Variants in PXK observed in about 807,000 individuals in gnomAD.
The protein encoded by PXK is PX domain-containing protein kinase-like protein.
A neutral mutation model predicts 84.7 loss-of-function variants in PXK; 35 were observed. The ratio of observed to expected loss-of-function variants is 0.41; its 90% CI spans 0.32 to 0.55. PXK has a LOEUF of 0.55. Ranked by LOEUF, PXK falls within the 20% of genes least tolerant of loss-of-function variation. PXK has a pLI of 0.21. For missense variants in PXK, 634 were observed against 699.7 expected, an observed-to-expected ratio of 0.91 and a Z score of 1.06; for synonymous variants, 253 against 260.8, an observed-to-expected ratio of 0.97 and a Z score of 0.29.
Position 58,400,919 on chromosome 3 carries a change from A to T in PXK, c.1181+1542A>T, listed in dbSNP as rs1220881868. 1.3e-5 allele frequency among the ~76,000 whole-genome samples: 2 copies of T among 152,192 alleles called. No individual in the cohort carries two copies. Among genetic ancestry groups the T allele is most frequent in the Non-Finnish European group, 2.9e-5 (2 of 68,026 alleles). Reference sequence around the variant, plus strand: ...TGACAGAGCAAGACTCCGTCTCAAAACAAAACAAACAATGTGAATATGGAA... The same window carrying T: ...TGACAGAGCAAGACTCCGTCTCAAATCAAAACAAACAATGTGAATATGGAA... On this transcript the variant is annotated intron_variant, in intron 12 of 17. Transcript: ENST00000356151. This position sits in a 1 kb window ranked among gnomAD's most constrained non-coding sequence, Gnocchi z 4.0.
Position 58,345,584 on chromosome 3 carries a change from C to T in PXK, c.102+12494C>T, listed in dbSNP as rs373999215. ...ATTGCTTGAGCCTACATTTAGTCAG[C>T]GGTTTATTATGGATGTAAATGAAAT... On this transcript the variant is annotated intron_variant, in intron 1 of 17. Coordinates refer to ENST00000356151, the MANE Select transcript of PXK (RefSeq NM_017771.5). Among the ~76,000 whole-genome samples the T allele has an allele frequency of 1.8e-4, 27 of 152,080 alleles. 1 individual carries two copies. The highest frequency in any genetic ancestry group is 1.6e-3 in the Admixed American group (24 of 15,262).
Position 58,364,878 on chromosome 3 carries a change from G to A in PXK, c.103-996G>A, listed in dbSNP as rs2098247498. Among the ~76,000 whole-genome samples the A allele has an allele frequency of 1.3e-5, 2 of 152,094 alleles. No individual in the cohort carries two copies. The highest frequency in any genetic ancestry group is 2.9e-5 in the Non-Finnish European group (2 of 68,018). On this transcript the variant is annotated intron_variant, in intron 1 of 17. Transcript: ENST00000356151. The surrounding 1 kb of genome is among the most constrained non-coding windows in gnomAD (Gnocchi z 4.3). ...CCATTTGATATCTGCACAGTCTGTA[G>A]TGGTATCCTAATTCATTCTTGATAT...
chr3:58,343,774 T>G (rs535224595), intron 1 of PXK, among the ~76,000 whole-genome samples: 1 of 152,312 alleles, frequency 6.6e-6, no homozygotes, highest in Non-Finnish European at 1.5e-5. Flanking sequence ...AGCAAACATT[T>G]GCTGAATAAG....
intron 1 of PXK, among the ~76,000 whole-genome samples, chr3:58,355,277 C>G (rs1223720293): frequency 1.3e-5 from 2 of 152,152 alleles, no homozygotes; most frequent in African/African-American, 4.8e-5. Flanking sequence ...TTGAGATGCT[C>G]TGCCTTAGGG....
intron 7 of PXK, among the ~76,000 whole-genome samples, chr3:58,393,464 A>G (rs2098651308): frequency 6.6e-6 from 1 of 152,200 alleles, no homozygotes; most frequent in South Asian, 2.1e-4. Context: ...AGTAAATTAT[A>G]TATGTAGTGC....
At position 58,421,720 on chromosome 3, in the gene PXK, T is replaced by C; in HGVS notation, c.1529-3032T>C. 1 of 985,474 alleles carries C rather than the reference T, an allele frequency of 1.0e-6. No homozygotes were observed. Among genetic ancestry groups the C allele is most frequent in the Middle Eastern group, 5.2e-4 (1 of 1,914 alleles). 61.0% of individuals were successfully genotyped at this position (985,474 alleles called of 1,614,324 possible). On this transcript the variant is annotated intron_variant, in intron 17 of 17. Coordinates refer to ENST00000356151, the MANE Select transcript of PXK (RefSeq NM_017771.5). This position sits in a 1 kb window ranked among gnomAD's most constrained non-coding sequence, Gnocchi z 5.5. ...CTCTGCCCTCTGACAGGGCCTCTGC[T>C]GGACTGCCAGGTTCCCGTGTGGTTT...
intron 1 of PXK, among the ~76,000 whole-genome samples, chr3:58,334,949 G>GTGTGTGTC (rs1553732653): frequency 3.4e-4 from 45 of 130,458 alleles, no homozygotes; most frequent in African/African-American, 1.4e-3. Flanking sequence ...GTGTGTGTGT[G>GTGTGTGTC]TGTGTGTGTC....
intron 7 of PXK, 115 bp from the exon 8 acceptor site, chr3:58,394,883 T>G: frequency 1.4e-6 from 1 of 701,646 alleles, no homozygotes; most frequent in Non-Finnish European, 2.5e-6. Flanking sequence ...TATCACTACA[T>G]TCGTATGCAA....
intron 7 of PXK, among the ~76,000 whole-genome samples, chr3:58,394,519 C>T (rs2057332797): frequency 6.6e-6 from 1 of 152,134 alleles, no homozygotes; most frequent in African/African-American, 2.4e-5. Context: ...TGCTTCTTGG[C>T]TTGGCACCCA....
chr3:58,342,462 C>A (rs2097753655), intron 1 of PXK, among the ~76,000 whole-genome samples: 1 of 151,886 alleles, frequency 6.6e-6, no homozygotes, highest in South Asian at 2.1e-4. Context: ...TGGTGAAACC[C>A]TGTCTCTACT....
intron 1 of PXK, among the ~76,000 whole-genome samples, chr3:58,349,458 C>T (rs139624056): frequency 0.025 from 3,709 of 150,882 alleles, 147 homozygotes; most frequent in African/African-American, 0.086. Flanking sequence ...CCGGTTCAAG[C>T]GATTCTCCTG....
At chr3:58,362,127 A>G (rs891568731) in intron 1 of PXK, among the ~76,000 whole-genome samples, 4 of 152,234 alleles carry the variant, frequency 2.6e-5, no homozygotes, top group African/African-American at 4.8e-5. Flanking sequence ...TATCCTCTTC[A>G]GTGAAATGTA....
At chr3:58,378,512 TTGTGTGTGTGTGTGTGTG>T in intron 3 of PXK, among the ~76,000 whole-genome samples, 1 of 29,102 alleles carries the variant, frequency 3.4e-5, no homozygotes, top group African/African-American at 1.3e-4. Flanking sequence ...TTTTTTTTTT[TTGTGTGTGTGTGTGTGTG>T]TGTGTGTGTG....
rs1377224655 is a variant in PXK, at chr3:58,382,420, T to A, written c.202-94T>A. 3.6e-6 allele frequency: 4 copies of A among 1,120,970 alleles called. No individual in the cohort carries two copies. The East Asian group carries it at 1.1e-4, about 31-fold the overall frequency. The allele number at this position is 1,120,970 out of a possible 1,614,324, so 69.4% of individuals were successfully genotyped here. On this transcript the variant is annotated intron_variant, in intron 3 of 17. Transcript: ENST00000356151. The stretch of plus-strand genomic sequence containing the variant: ...TAGGATGCATCTAAAATCTGCATTG[T>A]CTTAGGTTTAATGAAATATGATAGG...
chr3:58,335,421 T>TG (rs2097576281), intron 1 of PXK, among the ~76,000 whole-genome samples: 1 of 152,238 alleles, frequency 6.6e-6, no homozygotes, highest in Non-Finnish European at 1.5e-5. Context: ...CTTACGCTGA[T>TG]GCAAACTTTT....
At position 58,421,984 on chromosome 3, in the gene PXK, C is replaced by T. The variant is rs1039773117; in HGVS notation, c.1529-2768C>T. On this transcript the variant is annotated intron_variant, in intron 17 of 17. Coordinates refer to ENST00000356151, the MANE Select transcript of PXK (RefSeq NM_017771.5). This position sits in a 1 kb window ranked among gnomAD's most constrained non-coding sequence, Gnocchi z 5.5. ...GGTCTCTTGGCAGGAAGGCCTCATT[C>T]ACATCTGAGGGGTGGAGAGCGCGCA... 2.0e-6 allele frequency: 2 copies of T among 985,260 alleles called. No individual in the cohort carries two copies. Among genetic ancestry groups the T allele is most frequent in the Admixed American group, 1.2e-4 (2 of 16,260 alleles). The allele number at this position is 985,260 out of a possible 1,614,324, so 61.0% of individuals were successfully genotyped here. A position where few individuals can be genotyped will look rare whatever the true frequency, so the allele number is the denominator to read the frequency against.
chr3:58,377,340 T>G (rs2098451819), intron 3 of PXK, among the ~76,000 whole-genome samples: 1 of 152,212 alleles, frequency 6.6e-6, no homozygotes, highest in Non-Finnish European at 1.5e-5. Flanking sequence ...GATTACATCC[T>G]TTTCTGAATT....
chr3:58,422,893 CG>C, intron 17 of PXK: 1 of 985,384 alleles, frequency 1.0e-6, no homozygotes, highest in South Asian at 4.7e-5. Context: ...ATTCTTCTGC[CG>C]GGGGTCAAAG....
In PXK at chr3:58,411,494, T is replaced by A. The variant is rs2060197235; in HGVS notation, c.1465+1335T>A. On this transcript the variant is annotated intron_variant, in intron 16 of 17. Coordinates refer to ENST00000356151, the MANE Select transcript of PXK (RefSeq NM_017771.5). This position sits in a 1 kb window ranked among gnomAD's most constrained non-coding sequence, Gnocchi z 4.2. ...GGAAGCCTATCTTCGCCATGGTTGA[T>A]GGGAGGGACATGGACCGGTCATGGT... 6.6e-6 allele frequency among the ~76,000 whole-genome samples: 1 copy of A among 152,122 alleles called. No individual in the cohort carries two copies. Among genetic ancestry groups the A allele is most frequent in the Non-Finnish European group, 1.5e-5 (1 of 68,006 alleles).
Sources: gnomAD v4.1 joint callset for allele counts (sites outside exome capture counted in the v4.1 genomes callset) on GRCh38, gnomAD v4.1.1 for gene constraint, Gnocchi (gnomAD v3.1) non-coding constraint, MANE v1.5 for transcripts, NCBI Gene and HGNC (gene_info 2026-07-23, HGNC 2026-07-21) for gene names.